C10orf105: variants seen among roughly 807,000 people sequenced by gnomAD.
The protein encoded by C10orf105 is chromosome 10 open reading frame 105.
C10orf105 carries 2 observed loss-of-function variants against 0.6 expected under a neutral mutation model. The ratio of observed to expected loss-of-function variants is 3.18; its 90% CI spans 1.30 to 10.01. The LOEUF is 10.01. Ranked by LOEUF, C10orf105 falls within the 30% of genes most tolerant of loss-of-function variation. The probability of loss-of-function intolerance (pLI) is 0.04; values close to 1 mark genes in which losing one functional copy is unlikely to be tolerated. For missense variants in C10orf105, 209 were observed against 191.4 expected (o/e 1.09, Z -0.54); for synonymous variants, 95 against 82.4 (o/e 1.15, Z -0.83).
chr10:71,722,001 C>T (rs1011851007), upstream of C10orf105, among the ~76,000 whole-genome samples: 1 of 152,246 alleles, frequency 6.6e-6, no homozygotes, highest in Non-Finnish European at 1.5e-5. Flanking sequence ...CCTTTGGAAA[C>T]CTTCAGCCAA....
chr10:71,717,588 G>A (rs559538613), intron 1 of C10orf105: 1 of 152,280 alleles, frequency 6.6e-6, no homozygotes. Flanking sequence ...TAATAAAAAT[G>A]CTCACAGATC....
intron 1 of C10orf105, chr10:71,717,153 G>C (rs1200318949): frequency 1.3e-5 from 2 of 152,296 alleles, no homozygotes; most frequent in African/African-American, 4.8e-5. Context: ...TGGCATTAGG[G>C]AGCCAGTGAA....
At chr10:71,724,000 G>GC (rs1046203441), upstream of C10orf105, 2 of 1,548,638 alleles carry the variant, frequency 1.3e-6, no homozygotes, top group Non-Finnish European at 8.7e-7. Flanking sequence ...TTCTCTCCCT[G>GC]CTGGGTGGCA....
upstream of C10orf105, among the ~76,000 whole-genome samples, chr10:71,721,674 C>T (rs1272487173): frequency 3.9e-5 from 6 of 152,212 alleles, no homozygotes; most frequent in African/African-American, 4.8e-5. Context: ...ACACACTTAC[C>T]GCAGTGCCCG....
chr10:71,737,272 C>A (rs1050405350), intron 1 of C10orf105, among the ~76,000 whole-genome samples: 3 of 152,202 alleles, frequency 2.0e-5, no homozygotes. Context: ...GTAGGTGCCA[C>A]CCCTTCACTT....
At chr10:71,727,180 A>G (rs1387285737) in intron 1 of C10orf105, among the ~76,000 whole-genome samples, 2 of 152,246 alleles carry the variant, frequency 1.3e-5, no homozygotes, top group Admixed American at 6.5e-5. Context: ...CATCTTACAG[A>G]TGACAAGACT....
At chr10:71,733,968 G>T (rs556173040) in intron 1 of C10orf105, among the ~76,000 whole-genome samples, 6 of 152,188 alleles carry the variant, frequency 3.9e-5, no homozygotes, top group African/African-American at 4.8e-5. Context: ...AAATCAGAGC[G>T]CCACAAGAAG....
intron 1 of C10orf105, among the ~76,000 whole-genome samples, chr10:71,730,837 G>A (rs927538822): frequency 1.3e-5 from 2 of 152,224 alleles, no homozygotes; most frequent in Non-Finnish European, 2.9e-5. Flanking sequence ...CAGAGGGGAG[G>A]CCACAAGCTT....
rs372378807 is a variant in C10orf105, at chr10:71,712,710, T to G, written c.*3226A>C. ...CGACACACGGGCACAGCCACCGTGT[T>G]CGTCACTGTCCTGGATGTGAATGAC... On this transcript the variant is annotated 3_prime_UTR_variant, in exon 2 of 2. Coordinates refer to ENST00000441508, the MANE Select transcript of C10orf105 (RefSeq NM_001164375.3). The G allele has an allele frequency of 6.2e-6, 10 of 1,613,618 alleles. No individual in the cohort carries two copies. In the African/African-American group the frequency reaches 1.1e-4, roughly 17 times the overall value.
At chr10:71,722,692 G>A (rs1866615100), upstream of C10orf105, among the ~76,000 whole-genome samples, 1 of 152,216 alleles carries the variant, frequency 6.6e-6, no homozygotes, top group Admixed American at 6.5e-5. Flanking sequence ...AGTGCTCAGG[G>A]AGGGTCTTAG....
upstream of C10orf105, chr10:71,724,005 G>T: frequency 6.4e-7 from 1 of 1,550,414 alleles, no homozygotes; most frequent in Non-Finnish European, 8.7e-7. Context: ...TCCCTGCTGG[G>T]TGGCATTCAA....
upstream of C10orf105, among the ~76,000 whole-genome samples, chr10:71,721,740 C>T (rs1049792251): frequency 5.3e-5 from 8 of 152,282 alleles, no homozygotes; most frequent in East Asian, 1.9e-4. Context: ...TTCATACCAC[C>T]ATGTCTATAC....
At position 71,712,594 on chromosome 10, in the gene C10orf105, G is replaced by A. The variant is rs763870868; in HGVS notation, c.*3342C>T. On this transcript the variant is annotated 3_prime_UTR_variant, in exon 2 of 2. Coordinates refer to ENST00000441508, the MANE Select transcript of C10orf105 (RefSeq NM_001164375.3). ...ACCTCTCTGGCCGGTGCCCGGGAGT[G>A]TGCAAAGTCACAGGAAGTGTGCCCC... 200 of 1,573,702 alleles carry A rather than the reference G, an allele frequency of 1.3e-4. No homozygotes were observed. Among genetic ancestry groups the A allele is most frequent in the Non-Finnish European group, 1.6e-4 (182 of 1,153,228 alleles).
rs1045238123 is a variant in C10orf105, at chr10:71,711,820, G to T, written c.*4116C>A. On this transcript the variant is annotated 3_prime_UTR_variant, in exon 2 of 2. Transcript: ENST00000441508. ...TGCCTGTCCGCTGTGGACTGGAGTG[G>T]AGGACAGCTGCCCTTCCAGCGGGGC... 4 of 152,090 alleles carry T rather than the reference G, an allele frequency of 2.6e-5. No homozygotes were observed. Among genetic ancestry groups the T allele is most frequent in the Non-Finnish European group, 5.9e-5 (4 of 68,006 alleles). 9.4% of individuals were successfully genotyped at this position (152,090 alleles called of 1,614,324 possible).
chr10:71,725,316 C>T, intron 1 of C10orf105: 1 of 1,612,946 alleles, frequency 6.2e-7, no homozygotes. Context: ...CAGGCCAGCA[C>T]AGCAGGAGAC....
chr10:71,729,133 C>T (rs138646022), intron 1 of C10orf105, among the ~76,000 whole-genome samples: 1 of 152,306 alleles, frequency 6.6e-6, no homozygotes, highest in East Asian at 1.9e-4. Flanking sequence ...CCATGCCTGG[C>T]CTCCATAAAC....
At chr10:71,736,031 G>A (rs947791502) in intron 1 of C10orf105, among the ~76,000 whole-genome samples, 3 of 152,252 alleles carry the variant, frequency 2.0e-5, no homozygotes, top group African/African-American at 4.8e-5. Context: ...CAGGTGTTGC[G>A]AGAAGGCTGG....
At position 71,715,817 on chromosome 10, in the gene C10orf105, G is replaced by A; in HGVS notation, c.*119C>T. On this transcript the variant is annotated 3_prime_UTR_variant, in exon 2 of 2. Coordinates refer to ENST00000441508, the MANE Select transcript of C10orf105 (RefSeq NM_001164375.3). ...GCATGCAAGGAGCTTCGGGGGGTGA[G>A]TGTGTGTCCCAGACTGCTTGGGCCA... is the stretch of plus-strand genomic sequence containing the variant. 5 of 992,068 alleles carry A rather than the reference G, an allele frequency of 5.0e-6. No homozygotes were observed. Among genetic ancestry groups the A allele is most frequent in the Non-Finnish European group, 7.0e-6 (5 of 710,428 alleles). 61.5% of individuals were successfully genotyped at this position (992,068 alleles called of 1,614,324 possible). A position where few individuals can be genotyped will look rare whatever the true frequency, so the allele number is the denominator to read the frequency against.
chr10:71,722,332 G>A (rs895610776), upstream of C10orf105, among the ~76,000 whole-genome samples: 1 of 152,206 alleles, frequency 6.6e-6, no homozygotes, highest in African/African-American at 2.4e-5. Context: ...GCAATACTGG[G>A]ATACCCTACA....
Sources: allele counts gnomAD v4.1 joint callset (sites outside exome capture counted in the v4.1 genomes callset), GRCh38; gene constraint gnomAD v4.1.1; transcripts MANE v1.5; gene names NCBI Gene and HGNC (gene_info 2026-07-23, HGNC 2026-07-21).